The following NIPBL variants were observed in gnomAD, a reference collection of about 807,000 sequenced individuals.
NIPBL encodes the protein nipped-B-like protein.
NIPBL carries 19 observed loss-of-function variants against 321.8 expected under a neutral mutation model. The observed-to-expected ratio is 0.06, with a 90% CI of 0.04 to 0.09. The LOEUF (loss-of-function observed/expected upper bound fraction) is 0.09, where lower values mean the gene tolerates loss of function less well. Among genes scored for constraint, NIPBL ranks in the 10% least tolerant of loss-of-function variants. NIPBL has a pLI of 1.00. For missense variants in NIPBL, 2,210 were observed against 3,327.0 expected (o/e 0.66, Z 8.26); for synonymous variants, 1,106 against 1,114.1 (o/e 0.99, Z 0.14).
rs1252047952 is a variant in NIPBL at position 36,949,858 on chromosome 5, G to A, written c.-79-3760G>A. ...GCTTGAGGAAGTTGTAAATTTTGTTGTGAAATTAAATGAAGAAGTGGAGTC... is the reference window on the plus strand; with the variant it reads ...GCTTGAGGAAGTTGTAAATTTTGTTATGAAATTAAATGAAGAAGTGGAGTC... On this transcript the variant is annotated intron_variant, in intron 1 of 46. Transcript: ENST00000282516. Among the ~76,000 whole-genome samples, 8 of 151,918 alleles carry A rather than the reference G, an allele frequency of 5.3e-5. No homozygotes were observed. The East Asian group carries it at 1.5e-3, about 29-fold the overall frequency.
intron 40 of NIPBL, 24 bp from the exon 41 acceptor site, chr5:37,051,755 C>G: frequency 1.3e-6 from 2 of 1,491,230 alleles, no homozygotes; most frequent in Admixed American, 1.7e-5. Context: ...CATGATATCT[C>G]GTAATTTTTT....
intron 1 of NIPBL, chr5:36,885,543 A>T (rs1745828507): frequency 1.9e-6 from 1 of 525,570 alleles, no homozygotes; most frequent in Non-Finnish European, 3.8e-6. Flanking sequence ...AACACCCGGG[A>T]GCACCTGGAG....
intron 12 of NIPBL, 108 bp downstream of exon 12, chr5:37,000,678 T>G (rs1425847008): frequency 7.4e-7 from 1 of 1,345,248 alleles, no homozygotes; most frequent in African/African-American, 1.5e-5. Flanking sequence ...TAATTTTCAA[T>G]TAAGACAAAA....
At chr5:36,975,544 T>C (rs1419057608) in intron 8 of NIPBL, among the ~76,000 whole-genome samples, 2 of 152,170 alleles carry the variant, frequency 1.3e-5, no homozygotes, top group Non-Finnish European at 2.9e-5. Flanking sequence ...AAAAATTGAA[T>C]ACTCATACTT....
intron 1 of NIPBL, among the ~76,000 whole-genome samples, chr5:36,900,701 TAAAG>T (rs935547967): frequency 1.3e-5 from 2 of 151,880 alleles, no homozygotes; most frequent in African/African-American, 4.9e-5. Context: ...GTTTTTTTAA[TAAAG>T]AAATGAAGTT....
At chr5:36,994,035 G>A (rs1745851539) in intron 10 of NIPBL, among the ~76,000 whole-genome samples, 1 of 152,164 alleles carries the variant, frequency 6.6e-6, no homozygotes, top group South Asian at 2.1e-4. Context: ...ACTTTATAGT[G>A]AGGTGCAGAA....
chr5:36,981,448 T>C (rs2149637421), intron 9 of NIPBL, among the ~76,000 whole-genome samples: 1 of 151,822 alleles, frequency 6.6e-6, no homozygotes, highest in South Asian at 2.1e-4. Flanking sequence ...TGTCCCTTTG[T>C]CCTGTTCTCT....
At chr5:36,982,245 A>G (rs1744232490) in intron 9 of NIPBL, 3 of 976,250 alleles carry the variant, frequency 3.1e-6, no homozygotes, top group Non-Finnish European at 3.7e-6. Context: ...CTAAATACCA[A>G]AATGATTCTT....
intron 20 of NIPBL, 79 bp from the exon 21 acceptor site, chr5:37,010,008 C>T (rs964462722): frequency 3.7e-6 from 4 of 1,092,342 alleles, no homozygotes; most frequent in African/African-American, 1.5e-5. Flanking sequence ...AACACAGTAT[C>T]GTGAAACTTT....
chr5:37,026,761 C>T (rs1050013384), intron 31 of NIPBL, among the ~76,000 whole-genome samples: 6 of 151,914 alleles, frequency 3.9e-5, no homozygotes, highest in Non-Finnish European at 7.4e-5. Flanking sequence ...CCAGTCACAG[C>T]GCATATGCCT....
intron 32 of NIPBL, among the ~76,000 whole-genome samples, chr5:37,034,628 A>G (rs542106459): frequency 1.2e-4 from 19 of 152,226 alleles, no homozygotes; most frequent in Non-Finnish European, 2.2e-4. Flanking sequence ...AGACTACATC[A>G]AGTATACTAC....
chr5:37,003,087 T>G (rs74973351), intron 15 of NIPBL, among the ~76,000 whole-genome samples, 174 bp from the exon 16 acceptor site: 291 of 152,156 alleles, frequency 1.9e-3, no homozygotes, highest in African/African-American at 6.7e-3. Context: ...GACATTTGCT[T>G]TAGTCATTTA....
chr5:36,887,708 A>G (rs548201390), intron 1 of NIPBL, among the ~76,000 whole-genome samples: 2 of 152,076 alleles, frequency 1.3e-5, no homozygotes, highest in Non-Finnish European at 2.9e-5. Flanking sequence ...TATTCACATG[A>G]CTTGTTACAT....
intron 1 of NIPBL, among the ~76,000 whole-genome samples, chr5:36,891,625 A>G (rs916756216): frequency 1.6e-4 from 25 of 152,206 alleles, no homozygotes; most frequent in African/African-American, 5.8e-4. Context: ...GTCTGAAGCT[A>G]CAGAGAGGGG....
intron 20 of NIPBL, 120 bp downstream of exon 20, chr5:37,008,843 A>G (rs1747749245): frequency 1.5e-6 from 1 of 688,362 alleles, no homozygotes; most frequent in Non-Finnish European, 2.6e-6. Context: ...AGGCAGTTAC[A>G]TCAGAACAGC....
At chr5:36,995,890 C>A in intron 11 of NIPBL, 86 bp downstream of exon 11, 1 of 1,194,888 alleles carries the variant, frequency 8.4e-7, no homozygotes, top group African/African-American at 1.5e-5. Flanking sequence ...GGGGGTTTAG[C>A]AAAAGCACAG....
chr5:36,901,500 C>CTT (rs35178851), intron 1 of NIPBL, among the ~76,000 whole-genome samples: 3,998 of 77,412 alleles, frequency 0.052, 741 homozygotes, highest in African/African-American at 0.18. Context: ...CTTCTAAGTC[C>CTT]TTTTTTTTTT....
intron 1 of NIPBL, among the ~76,000 whole-genome samples, chr5:36,927,723 G>A (rs757966452): frequency 6.6e-6 from 1 of 152,178 alleles, no homozygotes; most frequent in Non-Finnish European, 1.5e-5. Flanking sequence ...TGAGATGGTT[G>A]TTAGACATCC....
At chr5:36,881,394 T>A (rs971179964) in intron 1 of NIPBL, among the ~76,000 whole-genome samples, 7 of 151,858 alleles carry the variant, frequency 4.6e-5, no homozygotes, top group Non-Finnish European at 1.5e-5. Context: ...ATTCCCAAAG[T>A]TATATCATTA....
Sources: allele counts gnomAD v4.1 joint callset (sites outside exome capture counted in the v4.1 genomes callset), GRCh38; gene constraint gnomAD v4.1.1; transcripts MANE v1.5; gene names NCBI Gene and HGNC (gene_info 2026-07-23, HGNC 2026-07-21).